AK5: variants seen among roughly 807,000 people sequenced by gnomAD.
AK5 encodes adenylate kinase isoenzyme 5.
In AK5, 27 loss-of-function variants were observed where a neutral mutation model predicts 69.5. The observed-to-expected ratio is 0.39, with a 90% CI of 0.29 to 0.54. The LOEUF (loss-of-function observed/expected upper bound fraction) is 0.54, where lower values mean the gene tolerates loss of function less well. Ranked by LOEUF, AK5 falls within the 20% of genes least tolerant of loss-of-function variation. The pLI, the probability that AK5 is intolerant of heterozygous loss-of-function variation, is 0.71. For missense variants in AK5, 531 were observed against 700.4 expected (o/e 0.76, Z 2.73); for synonymous variants, 260 against 244.4 (o/e 1.06, Z -0.60).
intron 5 of AK5, among the ~76,000 whole-genome samples, chr1:77,336,775 CTT>C (rs1408225034): frequency 2.0e-5 from 3 of 152,094 alleles, no homozygotes; most frequent in Non-Finnish European, 2.9e-5. Context: ...AATCTCTCAG[CTT>C]TTGTTTGTCT....
At chr1:77,292,224 A>G (rs1658726657) in intron 2 of AK5, among the ~76,000 whole-genome samples, 1 of 152,196 alleles carries the variant, frequency 6.6e-6, no homozygotes, top group Non-Finnish European at 1.5e-5. Flanking sequence ...CTAATGTTGG[A>G]TGAACTGATT....
intron 5 of AK5, among the ~76,000 whole-genome samples, chr1:77,337,464 A>C (rs1661420081): frequency 6.6e-6 from 1 of 152,180 alleles, no homozygotes; most frequent in African/African-American, 2.4e-5. Flanking sequence ...AACCAAGCAC[A>C]ATATATCATT....
At chr1:77,338,476 C>A (rs1402889271) in intron 5 of AK5, among the ~76,000 whole-genome samples, 1 of 152,190 alleles carries the variant, frequency 6.6e-6, no homozygotes, top group African/African-American at 2.4e-5. Context: ...TCACAGGTAA[C>A]ATTCAGATGT....
chr1:77,308,185 A>G (rs540391194), intron 5 of AK5, among the ~76,000 whole-genome samples: 1 of 152,262 alleles, frequency 6.6e-6, no homozygotes, highest in South Asian at 2.1e-4. Flanking sequence ...GACAACTAGG[A>G]GTCTACCACA....
chr1:77,335,644 G>A (rs1661310340), intron 5 of AK5, among the ~76,000 whole-genome samples: 1 of 152,148 alleles, frequency 6.6e-6, no homozygotes, highest in South Asian at 2.1e-4. Flanking sequence ...AGCACTATTG[G>A]AGAACATCAG....
chr1:77,383,349 A>T (rs2100507695), intron 6 of AK5, among the ~76,000 whole-genome samples: 1 of 152,318 alleles, frequency 6.6e-6, no homozygotes, highest in Non-Finnish European at 1.5e-5. Flanking sequence ...AGTCATAAAA[A>T]ATGGGGGATT....
rs140239590 is a variant in AK5 at position 77,300,971 on chromosome 1, GCACATACA to G, written c.699+3030_699+3037del. On this transcript the variant is annotated intron_variant, in intron 5 of 13. Transcript: ENST00000354567. Reference sequence around the variant, plus strand: ...TGTTTGTTTGTTAGTGCAAATGTAGGCACATACACACATGCCAACATTTTCCCCAAGAT... The same window carrying G: ...TGTTTGTTTGTTAGTGCAAATGTAGGCACATGCCAACATTTTCCCCAAGAT... Among the ~76,000 whole-genome samples the G allele has an allele frequency of 1.1e-3, 173 of 152,164 alleles. 5 individuals are homozygous for G. In the East Asian group the frequency reaches 0.032, roughly 28 times the overall value.
Position 77,340,532 on chromosome 1 carries a change from G to A in AK5, c.855G>A (p.Leu285=). 6.2e-7 allele frequency: 1 copy of A among 1,614,022 alleles called. No homozygotes were observed. The highest frequency in any genetic ancestry group is 8.5e-7 in the Non-Finnish European group (1 of 1,179,944). Reference sequence around the variant, plus strand: ...ACTTCAAGCAGAATGCTGCTCCATTGGTTAAATACTTCCAGGAAAAGGGGC... The same window carrying A: ...ACTTCAAGCAGAATGCTGCTCCATTAGTTAAATACTTCCAGGAAAAGGGGC... ...LMNFKQNAAP[L]VKYFQEKGLI... Residue 285 remains leucine (L), a synonymous_variant, in exon 6 of 14, where the codon TTG becomes TTA. Coordinates refer to ENST00000354567, the MANE Select transcript of AK5 (RefSeq NM_174858.3).
intron 5 of AK5, among the ~76,000 whole-genome samples, chr1:77,298,223 T>C (rs1239906483): frequency 6.6e-6 from 1 of 151,464 alleles, no homozygotes; most frequent in Non-Finnish European, 1.5e-5. Context: ...ATACTTTTCA[T>C]ACAATTTTTT....
At chr1:77,415,918 T>C (rs1367736420) in intron 7 of AK5, among the ~76,000 whole-genome samples, 4 of 152,178 alleles carry the variant, frequency 2.6e-5, no homozygotes, top group Non-Finnish European at 5.9e-5. Flanking sequence ...TTTTCCTCTT[T>C]TCTAAAATGA....
At chr1:77,521,776 C>A in intron 11 of AK5, 51 bp from the exon 12 acceptor site, 1 of 1,392,612 alleles carries the variant, frequency 7.2e-7, no homozygotes, top group Non-Finnish European at 1.0e-6. Context: ...TGGGGTACTT[C>A]TAGTGTTCTG....
At chr1:77,312,755 C>G (rs1660034880) in intron 5 of AK5, among the ~76,000 whole-genome samples, 1 of 152,048 alleles carries the variant, frequency 6.6e-6, no homozygotes, top group Non-Finnish European at 1.5e-5. Flanking sequence ...AACCCAAAGT[C>G]CCTCCATTAC....
At chr1:77,482,277 G>T (rs1369037568) in intron 8 of AK5, among the ~76,000 whole-genome samples, 2 of 152,116 alleles carry the variant, frequency 1.3e-5, no homozygotes, top group Non-Finnish European at 2.9e-5. Flanking sequence ...GAGAGTGAGA[G>T]TTCTCACCTA....
chr1:77,370,900 G>A (rs1315520715), intron 6 of AK5, among the ~76,000 whole-genome samples: 1 of 152,142 alleles, frequency 6.6e-6, no homozygotes, highest in African/African-American at 2.4e-5. Context: ...AGTTATTCTG[G>A]CTGTCCATTG....
rs779365139 is a variant in AK5 at position 77,413,562 on chromosome 1, C to T, written c.982+2491C>T. ...CCACACTTCTAGCAAAGCCATCTGG[C>T]TGCGTCACTCAACTGCTCTGGGCCT... On this transcript the variant is annotated intron_variant, in intron 7 of 13. Coordinates refer to ENST00000354567, the MANE Select transcript of AK5 (RefSeq NM_174858.3). 2.0e-5 allele frequency among the ~76,000 whole-genome samples: 3 copies of T among 152,168 alleles called. No homozygotes were observed. The East Asian group carries it at 5.8e-4, about 29-fold the overall frequency.
At chr1:77,374,984 C>A (rs879733354) in intron 6 of AK5, among the ~76,000 whole-genome samples, 14 of 152,140 alleles carry the variant, frequency 9.2e-5, no homozygotes, top group Non-Finnish European at 1.3e-4. Flanking sequence ...CCCTCAGTAA[C>A]AAGGTCACCA....
intron 6 of AK5, among the ~76,000 whole-genome samples, chr1:77,387,669 A>G (rs1318571999): frequency 6.6e-6 from 1 of 152,216 alleles, no homozygotes; most frequent in Non-Finnish European, 1.5e-5. Flanking sequence ...GACTGGACCT[A>G]GAACGTCTTC....
At chr1:77,380,439 G>T (rs1647551411) in intron 6 of AK5, among the ~76,000 whole-genome samples, 1 of 152,140 alleles carries the variant, frequency 6.6e-6, no homozygotes, top group South Asian at 2.1e-4. Context: ...CCAACCAGTT[G>T]CACTCTACCA....
chr1:77,517,379 A>C (rs1326461727), intron 10 of AK5, among the ~76,000 whole-genome samples: 1 of 152,142 alleles, frequency 6.6e-6, no homozygotes, highest in Admixed American at 6.5e-5. Flanking sequence ...TGGGGAGGAG[A>C]GAAGGGAACA....
Sources: gnomAD v4.1 joint callset for allele counts (sites outside exome capture counted in the v4.1 genomes callset) on GRCh38, gnomAD v4.1.1 for gene constraint, MANE v1.5 for transcripts, NCBI Gene and HGNC (gene_info 2026-07-23, HGNC 2026-07-21) for gene names.